The following TNRC6B variants were observed in gnomAD, a reference collection of about 807,000 sequenced individuals.
TNRC6B encodes trinucleotide repeat-containing gene 6B protein.
TNRC6B carries 52 observed loss-of-function variants against 203.6 expected under a neutral mutation model. The ratio of observed to expected loss-of-function variants is 0.26; its 90% CI spans 0.20 to 0.32. The LOEUF is 0.32. TNRC6B is among the 10% of genes least tolerant of loss of function. The pLI is 1.00. For missense variants in TNRC6B, 1,923 were observed against 2,286.2 expected, an observed-to-expected ratio of 0.84 and a Z score of 3.24; for synonymous variants, 838 against 845.7, an observed-to-expected ratio of 0.99 and a Z score of 0.16.
chr22:40,179,285 G>A (rs1363177222), intron 1 of TNRC6B, among the ~76,000 whole-genome samples: 1 of 152,098 alleles, frequency 6.6e-6, no homozygotes, highest in African/African-American at 2.4e-5. Context: ...AATGCTTCTC[G>A]GTCTGGTGGG....
intron 1 of TNRC6B, among the ~76,000 whole-genome samples, chr22:40,191,077 TG>T (rs1263717063): frequency 6.6e-6 from 1 of 152,098 alleles, no homozygotes; most frequent in Non-Finnish European, 1.5e-5. Context: ...AGGAAGGGAA[TG>T]GGAAAGTCTC....
At chr22:40,104,631 G>GA (rs1172682398) in intron 1 of TNRC6B, among the ~76,000 whole-genome samples, 13 of 152,136 alleles carry the variant, frequency 8.5e-5, no homozygotes, top group Non-Finnish European at 1.5e-4. Flanking sequence ...CTGTATACAA[G>GA]AAAAAACTAT....
At chr22:40,045,794 A>G (rs1227740719) in intron 1 of TNRC6B, among the ~76,000 whole-genome samples, 3 of 152,192 alleles carry the variant, frequency 2.0e-5, no homozygotes, top group Admixed American at 2.0e-4. Flanking sequence ...GTGGTTAAAG[A>G]CGTCCAGTAA....
intron 1 of TNRC6B, among the ~76,000 whole-genome samples, chr22:40,050,773 G>A (rs1393654004): frequency 6.6e-6 from 1 of 151,664 alleles, no homozygotes; most frequent in South Asian, 2.1e-4. Flanking sequence ...TGTGTTGTAA[G>A]TCTGGGCTTT....
At chr22:40,273,848 C>T (rs1601479128) in intron 7 of TNRC6B, among the ~76,000 whole-genome samples, 3 of 152,122 alleles carry the variant, frequency 2.0e-5, no homozygotes, top group African/African-American at 2.4e-5. Flanking sequence ...GACAGGGTTT[C>T]GCCCTGTTGC....
In TNRC6B at chr22:40,300,430, CTTTCT is replaced by C; in HGVS notation, c.3709-21_3709-17del. Reference sequence around the variant, plus strand: ...AAATTCTGAAGATTCCTTTTCTTTTCTTTCTTTTTTATTTTTTTGGCTAGGTTTCT... The same window carrying C: ...AAATTCTGAAGATTCCTTTTCTTTTCTTTTTATTTTTTTGGCTAGGTTTCT... On this transcript the variant is annotated intron_variant, in intron 12 of 22. Transcript: ENST00000454349. 1 of 1,513,708 alleles carries C rather than the reference CTTTCT, an allele frequency of 6.6e-7. No individual in the cohort carries two copies. The highest frequency in any genetic ancestry group is 8.8e-7 in the Non-Finnish European group (1 of 1,135,036). 93.8% of individuals were successfully genotyped at this position (1,513,708 alleles called of 1,614,324 possible).
At chr22:40,238,733 T>C (rs1291186422) in intron 1 of TNRC6B, among the ~76,000 whole-genome samples, 1 of 152,216 alleles carries the variant, frequency 6.6e-6, no homozygotes, top group Non-Finnish European at 1.5e-5. Flanking sequence ...CCTCTCTCCT[T>C]CTCTGTCAGG....
intron 12 of TNRC6B, among the ~76,000 whole-genome samples, chr22:40,298,915 A>G (rs1019907297): frequency 3.3e-5 from 5 of 151,686 alleles, no homozygotes; most frequent in East Asian, 2.0e-4. Context: ...GCAGTGAGCC[A>G]AGATAGCGCC....
rs568492306 is a variant in TNRC6B, at chr22:40,207,974, C to T, written c.5+29834C>T. On this transcript the variant is annotated intron_variant, in intron 1 of 22. Coordinates refer to ENST00000454349, the MANE Select transcript of TNRC6B (RefSeq NM_001162501.2). ...AGAAAAATACAAAAAATTAGCCGGGCATGGTGGCGGGCGCCTGTAGTCCCA... is the reference window on the plus strand; with the variant it reads ...AGAAAAATACAAAAAATTAGCCGGGTATGGTGGCGGGCGCCTGTAGTCCCA... Among the ~76,000 whole-genome samples the T allele has an allele frequency of 7.9e-5, 12 of 151,850 alleles. No homozygotes were observed. The South Asian group carries it at 1.9e-3, about 24-fold the overall frequency.
At chr22:40,145,815 C>A (rs1212807581) in intron 3 of TNRC6B, among the ~76,000 whole-genome samples, 1 of 150,660 alleles carries the variant, frequency 6.6e-6, no homozygotes, top group East Asian at 1.9e-4. Context: ...ATGCTCCAGC[C>A]TGGTGACAGA....
chr22:40,224,986 A>G (rs1370360734), intron 1 of TNRC6B, among the ~76,000 whole-genome samples: 1 of 152,234 alleles, frequency 6.6e-6, no homozygotes, highest in Non-Finnish European at 1.5e-5. Flanking sequence ...GGTGCTTTCC[A>G]TCCATTATTT....
At chr22:40,122,567 G>A (rs781065078) in intron 2 of TNRC6B, among the ~76,000 whole-genome samples, 18 of 152,140 alleles carry the variant, frequency 1.2e-4, no homozygotes, top group Non-Finnish European at 2.4e-4. Flanking sequence ...CTCCACCTAC[G>A]TTGTTTCTCC....
At chr22:40,142,157 C>G (rs542436159) in intron 3 of TNRC6B, among the ~76,000 whole-genome samples, 1 of 152,006 alleles carries the variant, frequency 6.6e-6, no homozygotes, top group South Asian at 2.1e-4. Flanking sequence ...CTCCTAGGCT[C>G]AAAGGATCCG....
intron 3 of TNRC6B, among the ~76,000 whole-genome samples, chr22:40,136,371 T>TGTGTG (rs2068599012): frequency 2.1e-5 from 3 of 141,118 alleles, no homozygotes; most frequent in African/African-American, 8.0e-5. Context: ...TATGTTTATC[T>TGTGTG]TGTGTGTGTG....
chr22:40,288,001 T>C (rs2070810417), intron 12 of TNRC6B, among the ~76,000 whole-genome samples: 2 of 152,228 alleles, frequency 1.3e-5, no homozygotes, highest in Non-Finnish European at 2.9e-5. Flanking sequence ...AGGAGCCTCA[T>C]GTGCAAGGGG....
intron 1 of TNRC6B, among the ~76,000 whole-genome samples, chr22:40,075,041 AGTT>A (rs1167697292): frequency 6.7e-6 from 1 of 150,358 alleles, no homozygotes; most frequent in Non-Finnish European, 1.5e-5. Context: ...CTTTGTGAAT[AGTT>A]CTATGTGTAC....
chr22:40,225,445 G>A (rs1482923729), intron 1 of TNRC6B, among the ~76,000 whole-genome samples: 1 of 152,164 alleles, frequency 6.6e-6, no homozygotes, highest in Non-Finnish European at 1.5e-5. Flanking sequence ...AAACATATTT[G>A]AGGCCGGGTG....
rs765835653 is a variant in TNRC6B at position 40,261,873 on chromosome 22, G to A, written c.157G>A (p.Ala53Thr). The A allele has an allele frequency of 9.5e-6, 15 of 1,585,254 alleles. No individual in the cohort carries two copies. The highest frequency in any genetic ancestry group is 4.5e-5 in the East Asian group (2 of 44,194). Residue 53 changes from alanine (A) to threonine (T), a missense_variant, in exon 4 of 23, where the codon GCC (alanine) becomes ACC (threonine). This residue lies in a region of TNRC6B where 111 missense variants were observed against 155.3 expected (regional missense o/e 0.71). Transcript: ENST00000454349. ...TKPSLSQPTA[A>T]SPIGSSPSPP... ...ACCAAGTTTAAGCCAACCAACGGCCGCCAGCCCAATTGGCAGCTCTCCATC... is the reference window on the plus strand; with the variant it reads ...ACCAAGTTTAAGCCAACCAACGGCCACCAGCCCAATTGGCAGCTCTCCATC...
intron 4 of TNRC6B, among the ~76,000 whole-genome samples, chr22:40,161,561 A>C (rs1176981789): frequency 2.6e-5 from 4 of 152,250 alleles, no homozygotes; most frequent in African/African-American, 9.6e-5. Context: ...ACTAAGTTCT[A>C]TTAAGAGGCA....
Sources: allele counts gnomAD v4.1 joint callset (sites outside exome capture counted in the v4.1 genomes callset), GRCh38; gene constraint gnomAD v4.1.1; regional missense constraint gnomAD v4.1.1; transcripts MANE v1.5; gene names NCBI Gene and HGNC (gene_info 2026-07-23, HGNC 2026-07-21).